RBFOX1: variants seen among roughly 807,000 people sequenced by gnomAD.
RBFOX1 encodes the protein RNA binding protein fox-1 homolog 1.
In RBFOX1, 8 loss-of-function variants were observed where a neutral mutation model predicts 57.7. The observed-to-expected ratio is 0.14, with a 90% confidence interval of 0.08 to 0.25. The LOEUF is 0.25. Ranked by LOEUF, RBFOX1 falls within the 10% of genes least tolerant of loss-of-function variation. The pLI is 1.00. For synonymous variants in RBFOX1, 326 were observed against 222.4 expected, an observed-to-expected ratio of 1.47 and a Z score of -4.15; for missense variants, 611 against 548.5, an observed-to-expected ratio of 1.11 and a Z score of -1.14.
intron 3 of RBFOX1, among the ~76,000 whole-genome samples, chr16:6,833,641 TC>T (rs2092875027): frequency 6.6e-6 from 1 of 152,212 alleles, no homozygotes; most frequent in Non-Finnish European, 1.5e-5. Flanking sequence ...GATTTTGTCT[TC>T]CTCATGTCTT....
intron 3 of RBFOX1, among the ~76,000 whole-genome samples, chr16:7,041,478 C>G (rs1190434059): frequency 6.6e-6 from 1 of 152,104 alleles, no homozygotes; most frequent in Non-Finnish European, 1.5e-5. Context: ...CTTCTCAGTT[C>G]TGGGTCTGTT....
chr16:7,356,506 G>A (rs2097216718), intron 4 of RBFOX1, among the ~76,000 whole-genome samples: 1 of 152,132 alleles, frequency 6.6e-6, no homozygotes, highest in Non-Finnish European at 1.5e-5. Flanking sequence ...GGAGGAGCCT[G>A]GCAGGAAATG....
chr16:6,809,558 C>T (rs1428346780), intron 3 of RBFOX1, among the ~76,000 whole-genome samples: 1 of 152,230 alleles, frequency 6.6e-6, no homozygotes, highest in South Asian at 2.1e-4. Context: ...AGACTATATC[C>T]TATTGTATAT....
intron 4 of RBFOX1, among the ~76,000 whole-genome samples, chr16:7,137,294 C>T (rs1374703911): frequency 6.6e-6 from 1 of 152,108 alleles, no homozygotes; most frequent in African/African-American, 2.4e-5. Context: ...GGCTGTGTCC[C>T]CAGCCAAATG....
intron 2 of RBFOX1, among the ~76,000 whole-genome samples, chr16:6,390,225 G>A (rs1037491085): frequency 4.6e-5 from 7 of 152,226 alleles, no homozygotes; most frequent in South Asian, 4.2e-4. Context: ...TTACATATCC[G>A]TAAACCTGAG....
chr16:7,560,257 C>T (rs1325161313), intron 5 of RBFOX1, among the ~76,000 whole-genome samples: 1 of 152,190 alleles, frequency 6.6e-6, no homozygotes, highest in African/African-American at 2.4e-5. Context: ...GGGGGGTGGA[C>T]TTCTTGGCTT....
At chr16:7,427,885 C>T (rs2098637257) in intron 4 of RBFOX1, among the ~76,000 whole-genome samples, 1 of 152,192 alleles carries the variant, frequency 6.6e-6, no homozygotes, top group Non-Finnish European at 1.5e-5. Context: ...AACCCCTGAC[C>T]TCAGATGATC....
At chr16:6,592,253 C>G (rs1454177471) in intron 2 of RBFOX1, among the ~76,000 whole-genome samples, 1 of 152,176 alleles carries the variant, frequency 6.6e-6, no homozygotes, top group Non-Finnish European at 1.5e-5. Context: ...TTGTGTGGTA[C>G]TAGGCAGTAA....
intron 1 of RBFOX1, among the ~76,000 whole-genome samples, chr16:6,164,725 C>A (rs1186160064): frequency 6.6e-6 from 1 of 151,972 alleles, no homozygotes; most frequent in East Asian, 1.9e-4. Context: ...TGATCCACCC[C>A]CCTTGGCCTT....
At chr16:7,433,860 A>G (rs536387248) in intron 4 of RBFOX1, among the ~76,000 whole-genome samples, 10 of 152,200 alleles carry the variant, frequency 6.6e-5, no homozygotes, top group Admixed American at 6.5e-4. Context: ...GAGTAAGCCA[A>G]ATGACAGGGA....
intron 1 of RBFOX1, among the ~76,000 whole-genome samples, chr16:6,263,964 T>C (rs1474293693): frequency 6.6e-6 from 1 of 152,200 alleles, no homozygotes; most frequent in African/African-American, 2.4e-5. Context: ...AAAGCTTTAC[T>C]TGCAAGTGGG....
chr16:5,960,114 T>G (rs1046569836), intron 4 of RBFOX1, among the ~76,000 whole-genome samples: 1 of 151,998 alleles, frequency 6.6e-6, no homozygotes, highest in Non-Finnish European at 1.5e-5. Context: ...GACAGGAGAA[T>G]TGCTTGAACC....
intron 3 of RBFOX1, among the ~76,000 whole-genome samples, chr16:5,750,841 G>A (rs190301298): frequency 2.6e-5 from 4 of 152,196 alleles, no homozygotes; most frequent in African/African-American, 9.7e-5. Flanking sequence ...GCCCTGCTTC[G>A]GCTCACGCAT....
chr16:7,623,381 C>T (rs931263734), intron 10 of RBFOX1, among the ~76,000 whole-genome samples: 1 of 151,978 alleles, frequency 6.6e-6, no homozygotes, highest in African/African-American at 2.4e-5. Flanking sequence ...CAGTGGGAGC[C>T]CTGGGCTTCT....
At chr16:6,570,698 C>T (rs182681318) in intron 2 of RBFOX1, among the ~76,000 whole-genome samples, 60 of 152,194 alleles carry the variant, frequency 3.9e-4, no homozygotes, top group East Asian at 7.7e-4. Flanking sequence ...TTGCAGTATC[C>T]GCCAACTTCC....
intron 3 of RBFOX1, among the ~76,000 whole-genome samples, chr16:7,010,710 C>A (rs141228333): frequency 6.6e-6 from 1 of 152,042 alleles, no homozygotes; most frequent in Admixed American, 6.6e-5. Flanking sequence ...ATTACACTTG[C>A]ATGCCACCAC....
intron 2 of RBFOX1, among the ~76,000 whole-genome samples, chr16:5,515,144 C>G (rs1354758013): frequency 1.3e-5 from 2 of 152,214 alleles, no homozygotes; most frequent in African/African-American, 4.8e-5. Context: ...CCCCATGACC[C>G]AAACACCTCC....
chr16:7,560,167 A>G (rs1217865293), intron 5 of RBFOX1, among the ~76,000 whole-genome samples: 1 of 152,200 alleles, frequency 6.6e-6, no homozygotes, highest in Non-Finnish European at 1.5e-5. Flanking sequence ...ATCTCTCTAC[A>G]TCTCCAACCA....
intron 4 of RBFOX1, among the ~76,000 whole-genome samples, chr16:5,923,848 C>G (rs2058886763): frequency 6.6e-6 from 1 of 151,986 alleles, no homozygotes; most frequent in African/African-American, 2.4e-5. Context: ...GCCTCCAGAG[C>G]CAGTTTTTAG....
Sources: allele counts gnomAD v4.1 joint callset (sites outside exome capture counted in the v4.1 genomes callset), GRCh38; gene constraint gnomAD v4.1.1; transcripts MANE v1.5; gene names NCBI Gene and HGNC (gene_info 2026-07-23, HGNC 2026-07-21).